The following RASL12 variants were observed in gnomAD, a reference collection of about 807,000 sequenced individuals.
RASL12 encodes the protein RAS like family 12.
RASL12 carries 16 observed loss-of-function variants against 22.9 expected under a neutral mutation model. The ratio of observed to expected loss-of-function variants is 0.70; its 90% CI spans 0.47 to 1.06. The LOEUF (loss-of-function observed/expected upper bound fraction) is 1.06, where lower values mean the gene tolerates loss of function less well. RASL12 is among the 50% of genes least tolerant of loss of function. The pLI is 0.00. For missense variants in RASL12, 306 were observed against 353.1 expected, an observed-to-expected ratio of 0.87 and a Z score of 1.07; for synonymous variants, 159 against 152.2, an observed-to-expected ratio of 1.04 and a Z score of -0.33.
chr15:65,055,970 A>G (rs755633308), intron 4 of RASL12, among the ~76,000 whole-genome samples: 11 of 152,138 alleles, frequency 7.2e-5, no homozygotes, highest in Non-Finnish European at 1.3e-4. Context: ...GGCAACACCT[A>G]TTCTGCCTTG....
chr15:65,060,144 C>T (rs1181570841), intron 2 of RASL12, among the ~76,000 whole-genome samples: 1 of 152,196 alleles, frequency 6.6e-6, no homozygotes, highest in Non-Finnish European at 1.5e-5. Flanking sequence ...GTGCTAAGTG[C>T]TTGACATTAG....
chr15:65,068,746 C>T (rs1180099154), upstream of RASL12, among the ~76,000 whole-genome samples: 1 of 152,168 alleles, frequency 6.6e-6, no homozygotes, highest in Non-Finnish European at 1.5e-5. This position sits in a 1 kb window ranked among gnomAD's most constrained non-coding sequence, Gnocchi z 4.2. Context: ...CCTTGGGACT[C>T]AGGGTAAATC....
downstream of RASL12, among the ~76,000 whole-genome samples, chr15:65,050,354 C>T (rs1475547031): frequency 1.3e-5 from 2 of 152,224 alleles, no homozygotes; most frequent in Non-Finnish European, 1.5e-5. Context: ...CTGTACCAGA[C>T]ACTGTTCTCA....
chr15:65,055,144 C>T lies in RASL12; in HGVS notation c.556G>A (p.Glu186Lys), dbSNP rs1245298955. Residue 186 changes from glutamate (E) to lysine (K), a missense_variant, in exon 5 of 5, where the codon GAG becomes AAG. Transcript: ENST00000220062. ...CGGGTCAGGGGGCTCTTCTCCAGCT[C>T]CCGCCGTGCCTCTCGCACTGCCTCG... is the stretch of plus-strand genomic sequence containing the variant. ...FHEAVREARR[E>K]LEKSPLTRPL... is the part of the protein sequence containing the mutation. 1.9e-6 allele frequency: 3 copies of T among 1,611,624 alleles called. No homozygotes were observed. Among genetic ancestry groups the T allele is most frequent in the Non-Finnish European group, 1.7e-6 (2 of 1,179,388 alleles).
rs2086761993 is a variant in RASL12 at position 65,058,536 on chromosome 15, A to C, written c.316T>G (p.Phe106Val). 1 of 1,611,730 alleles carries C rather than the reference A, an allele frequency of 6.2e-7. No homozygotes were observed. The highest frequency in any genetic ancestry group is 8.5e-7 in the Non-Finnish European group (1 of 1,178,438). Residue 106 changes from phenylalanine to valine, a missense_variant, in exon 4 of 5, where the codon TTT (phenylalanine) becomes GTT (valine). Phe to Val is a conservative substitution (Grantham distance 50). Transcript: ENST00000220062. ...TCCAGGTAGCTGCTGCTGCTATCAA[A>C]GCTCTGGCGGCTGTCGACGCTGTAC... is the stretch of plus-strand genomic sequence containing the variant. ...VVYSVDSRQSFDSSSSYLELL... is the reference protein window; with the variant it reads ...VVYSVDSRQSVDSSSSYLELL...
At chr15:65,074,741 C>T (rs1400045485) in intron 1 of RASL12, among the ~76,000 whole-genome samples, 3 of 152,220 alleles carry the variant, frequency 2.0e-5, no homozygotes, top group African/African-American at 4.8e-5. Flanking sequence ...GACATTCGCA[C>T]GAGGGCACAC....
chr15:65,054,848 C>A lies in RASL12; in HGVS notation c.*51G>T. Reference sequence around the variant, plus strand: ...TGGTGGTGAGAAGCCAGTCCCTGTCCTGCTGCAGTCCTGTCCAGCCACCGA... The same window carrying A: ...TGGTGGTGAGAAGCCAGTCCCTGTCATGCTGCAGTCCTGTCCAGCCACCGA... On this transcript the variant is annotated 3_prime_UTR_variant, in exon 5 of 5. Transcript: ENST00000220062. 6.4e-7 allele frequency: 1 copy of A among 1,560,352 alleles called. No homozygotes were observed. Among genetic ancestry groups the A allele is most frequent in the Non-Finnish European group, 8.7e-7 (1 of 1,152,992 alleles).
intron 4 of RASL12, among the ~76,000 whole-genome samples, chr15:65,055,837 C>G (rs1046054083): frequency 1.3e-5 from 2 of 152,126 alleles, no homozygotes; most frequent in Non-Finnish European, 2.9e-5. Flanking sequence ...ATTATTCAAG[C>G]CCTCACAATG....
chr15:65,055,400 T>A, intron 4 of RASL12, 126 bp from the exon 5 acceptor site: 1 of 758,892 alleles, frequency 1.3e-6, no homozygotes, highest in Non-Finnish European at 2.1e-6. Flanking sequence ...CCTCTCTGAG[T>A]CTCAGCGTTC....
chr15:65,055,351 C>T (rs1177708270), intron 4 of RASL12, 77 bp from the exon 5 acceptor site: 25 of 1,350,874 alleles, frequency 1.9e-5, no homozygotes, highest in Middle Eastern at 2.1e-4. Context: ...CTACACCCAG[C>T]GCCCCATGGA....
downstream of RASL12, among the ~76,000 whole-genome samples, chr15:65,050,401 C>A (rs2086634698): frequency 1.3e-5 from 2 of 152,110 alleles, no homozygotes; most frequent in South Asian, 4.2e-4. Context: ...ACACAAAAAT[C>A]TCTGCCTTCA....
Position 65,067,784 on chromosome 15 carries a change from G to A in RASL12, c.52C>T (p.Pro18Ser), listed in dbSNP as rs1439810120. The A allele has an allele frequency of 6.3e-7, 1 of 1,581,510 alleles. No individual in the cohort carries two copies. Among genetic ancestry groups the A allele is most frequent in the South Asian group, 1.1e-5 (1 of 87,810 alleles). Residue 18 changes from proline to serine, a missense_variant, in exon 1 of 5, where the codon CCC becomes TCC. Physicochemically the swap from Pro to Ser is moderately conservative, Grantham distance 74. Coordinates refer to ENST00000220062, the MANE Select transcript of RASL12 (RefSeq NM_016563.4). ...PRAGSGPQSA[P>S]LEVNLAILGR... ...AGGATGGCCAGGTTGACCTCGAGGG[G>A]CGCGCTCTGAGGCCCGCTGCCCGCG...
At chr15:65,064,883 C>T (rs530237901) in intron 2 of RASL12, among the ~76,000 whole-genome samples, 18 of 152,314 alleles carry the variant, frequency 1.2e-4, no homozygotes, top group Admixed American at 2.0e-4. Flanking sequence ...CATTAGCCAC[C>T]GCACCCGGCC....
At chr15:65,069,106 G>C (rs1218584641), upstream of RASL12, among the ~76,000 whole-genome samples, 2 of 152,182 alleles carry the variant, frequency 1.3e-5, no homozygotes, top group Non-Finnish European at 2.9e-5. Flanking sequence ...CCCACCCACA[G>C]AGGAACCATG....
intron 4 of RASL12, among the ~76,000 whole-genome samples, chr15:65,057,835 C>T (rs991493729): frequency 3.6e-4 from 55 of 152,208 alleles, no homozygotes; most frequent in Admixed American, 1.6e-3. Context: ...AAGGGTGAGT[C>T]CAAGAGAATC....
intron 4 of RASL12, among the ~76,000 whole-genome samples, chr15:65,056,668 AG>A (rs1199658179): frequency 9.2e-5 from 14 of 152,274 alleles, no homozygotes; most frequent in African/African-American, 3.4e-4. Flanking sequence ...AAATTTTATC[AG>A]TGGCTTGGGA....
chr15:65,046,343 G>T, the RASL12 span, among the ~76,000 whole-genome samples: 1 of 151,396 alleles, frequency 6.6e-6, no homozygotes. Flanking sequence ...GGTGGTGGAT[G>T]CCTATAATCA....
chr15:65,068,234 A>T, upstream of RASL12: 1 of 988,450 alleles, frequency 1.0e-6, no homozygotes, highest in Non-Finnish European at 1.2e-6. The surrounding 1 kb of genome is among the most constrained non-coding windows in gnomAD (Gnocchi z 4.2). Flanking sequence ...CCCCAGGGCT[A>T]GGGGGAGAGA....
chr15:65,058,643 C>CG (rs377580523), intron 3 of RASL12, 26 bp from the exon 4 acceptor site: 10 of 1,469,724 alleles, frequency 6.8e-6, no homozygotes, highest in Non-Finnish European at 6.4e-6. Context: ...GAAGCCCCGC[C>CG]GGGGGGCAGA....
Sources: allele counts gnomAD v4.1 joint callset (sites outside exome capture counted in the v4.1 genomes callset), GRCh38; gene constraint gnomAD v4.1.1; non-coding constraint Gnocchi (gnomAD v3.1); transcripts MANE v1.5; gene names NCBI Gene and HGNC (gene_info 2026-07-23, HGNC 2026-07-21).